The following SLC1A1 variants were observed in gnomAD, a reference collection of about 807,000 sequenced individuals.
SLC1A1 encodes solute carrier family 1 member 1, also known as excitatory amino acid transporter 3.
SLC1A1 carries 43 observed loss-of-function variants against 53.3 expected under a neutral mutation model. The observed-to-expected ratio is 0.81, with a 90% confidence interval of 0.63 to 1.04. The LOEUF (loss-of-function observed/expected upper bound fraction) is 1.04. Among genes scored for constraint, SLC1A1 ranks in the 50% least tolerant of loss-of-function variants. The pLI is 0.00. For missense variants in SLC1A1, 748 were observed against 664.9 expected (o/e 1.12, Z -1.37); for synonymous variants, 307 against 243.2 (o/e 1.26, Z -2.44).
chr9:4,524,736 G>A (rs1002488409), intron 1 of SLC1A1, among the ~76,000 whole-genome samples: 8 of 152,104 alleles, frequency 5.3e-5, no homozygotes, highest in Non-Finnish European at 1.2e-4. Context: ...TAAAATTATT[G>A]TTAAAATATG....
intron 2 of SLC1A1, among the ~76,000 whole-genome samples, chr9:4,546,863 A>C (rs1817536972): frequency 6.6e-6 from 1 of 152,222 alleles, no homozygotes; most frequent in South Asian, 2.1e-4. Flanking sequence ...TCCTTTCGAG[A>C]AAAATCTTCA....
At position 4,507,158 on chromosome 9, in the gene SLC1A1, C is replaced by T. The variant is rs548960678; in HGVS notation, c.91+16388C>T. ...TTGAGGCAGGAGAATGGCGTGAACC[C>T]GGGAGGTGGACCTTGCAAGTGAGCC... On this transcript the variant is annotated intron_variant, in intron 1 of 11. Coordinates refer to ENST00000262352, the MANE Select transcript of SLC1A1 (RefSeq NM_004170.6). Among the ~76,000 whole-genome samples, 32 of 152,070 alleles carry T rather than the reference C, an allele frequency of 2.1e-4. No individual in the cohort carries two copies. In the South Asian group the frequency reaches 3.1e-3, roughly 15 times the overall value.
chr9:4,573,827 TG>T, intron 7 of SLC1A1, 79 bp from the exon 8 acceptor site: 1 of 945,080 alleles, frequency 1.1e-6, no homozygotes, highest in Non-Finnish European at 1.8e-6. Context: ...GTGCCCACAC[TG>T]GAGTGTTCCT....
chr9:4,515,692 G>A (rs1460377222), intron 1 of SLC1A1, among the ~76,000 whole-genome samples: 2 of 152,198 alleles, frequency 1.3e-5, no homozygotes, highest in African/African-American at 4.8e-5. Flanking sequence ...CACTCCTAGA[G>A]TACTGCAGTC....
At chr9:4,502,873 G>C (rs1254299122) in intron 1 of SLC1A1, among the ~76,000 whole-genome samples, 8 of 151,510 alleles carry the variant, frequency 5.3e-5, no homozygotes, top group Admixed American at 5.3e-4. Flanking sequence ...CATCTTTATT[G>C]CGTGTGGTTA....
chr9:4,506,632 G>A (rs533584673), intron 1 of SLC1A1, among the ~76,000 whole-genome samples: 1 of 151,994 alleles, frequency 6.6e-6, no homozygotes, highest in African/African-American at 2.4e-5. Context: ...GTAATGCTTG[G>A]TTGCTTTTTT....
chr9:4,502,161 C>T (rs1289281814), intron 1 of SLC1A1, among the ~76,000 whole-genome samples: 2 of 151,490 alleles, frequency 1.3e-5, no homozygotes, highest in Non-Finnish European at 2.9e-5. Context: ...CCAAGGCATA[C>T]AGATGGCTTG....
chr9:4,542,905 A>T (rs1310420227), intron 1 of SLC1A1, among the ~76,000 whole-genome samples: 1 of 152,190 alleles, frequency 6.6e-6, no homozygotes, highest in African/African-American at 2.4e-5. Flanking sequence ...GGAAATGTTT[A>T]TATGTTTGTT....
chr9:4,509,673 C>T lies in SLC1A1; in HGVS notation c.91+18903C>T, dbSNP rs1820930285. ...GGCAAGGAACCCTGGATCAGCCCTC[C>T]CAGTGCACAGAGCAGGACAAAGAAA... is the stretch of plus-strand genomic sequence containing the variant. On this transcript the variant is annotated intron_variant, in intron 1 of 11. Transcript: ENST00000262352. Among the ~76,000 whole-genome samples the T allele has an allele frequency of 1.3e-5, 2 of 152,208 alleles. 1 individual carries two copies. The highest frequency in any genetic ancestry group is 4.2e-4 in the South Asian group (2 of 4,816).
chr9:4,580,685 T>C (rs756310717), intron 10 of SLC1A1, among the ~76,000 whole-genome samples: 2 of 137,522 alleles, frequency 1.5e-5, no homozygotes, highest in Non-Finnish European at 3.0e-5. Flanking sequence ...AATTGTAGGA[T>C]TTGGGGCCTA....
At chr9:4,502,533 T>C (rs1820672198) in intron 1 of SLC1A1, among the ~76,000 whole-genome samples, 1 of 151,044 alleles carries the variant, frequency 6.6e-6, no homozygotes, top group Non-Finnish European at 1.5e-5. Context: ...TTACCACGAG[T>C]TTTATGTACA....
intron 1 of SLC1A1, among the ~76,000 whole-genome samples, chr9:4,533,581 A>G (rs1040200824): frequency 6.6e-6 from 1 of 152,216 alleles, no homozygotes. Flanking sequence ...TTAGAGACCT[A>G]GAAAGAGACT....
At chr9:4,573,825 A>G in intron 7 of SLC1A1, 82 bp from the exon 8 acceptor site, 1 of 928,346 alleles carries the variant, frequency 1.1e-6, no homozygotes, top group East Asian at 2.4e-5. Context: ...GGGTGCCCAC[A>G]CTGGAGTGTT....
At chr9:4,545,664 A>G (rs541729998) in intron 2 of SLC1A1, among the ~76,000 whole-genome samples, 16 of 152,248 alleles carry the variant, frequency 1.1e-4, no homozygotes, top group Non-Finnish European at 1.9e-4. Flanking sequence ...TTCTGTGAGA[A>G]GGGTTTAAAT....
At chr9:4,565,639 G>GC (rs1441994607) in intron 4 of SLC1A1, among the ~76,000 whole-genome samples, 1 of 152,118 alleles carries the variant, frequency 6.6e-6, no homozygotes, top group Non-Finnish European at 1.5e-5. Flanking sequence ...CTCCCACAAG[G>GC]CCCCTCCCCT....
chr9:4,554,875 A>AT (rs1309493883), intron 2 of SLC1A1, among the ~76,000 whole-genome samples: 1 of 152,234 alleles, frequency 6.6e-6, no homozygotes, highest in Non-Finnish European at 1.5e-5. Flanking sequence ...AATACCTTCC[A>AT]TCTGCTCAGT....
chr9:4,532,106 A>T (rs1207104721), intron 1 of SLC1A1, among the ~76,000 whole-genome samples: 1 of 152,206 alleles, frequency 6.6e-6, no homozygotes, highest in Non-Finnish European at 1.5e-5. Flanking sequence ...AAGATGGGGA[A>T]AAAACAGAGC....
At chr9:4,506,131 A>G (rs1351595447) in intron 1 of SLC1A1, among the ~76,000 whole-genome samples, 1 of 151,534 alleles carries the variant, frequency 6.6e-6, no homozygotes, top group Admixed American at 6.6e-5. Flanking sequence ...TAATTTTTGT[A>G]CTTTTAGTAG....
chr9:4,576,465 TA>T, intron 9 of SLC1A1, 103 bp from the exon 10 acceptor site: 1 of 942,162 alleles, frequency 1.1e-6, no homozygotes, highest in Non-Finnish European at 1.7e-6. Context: ...CAAGATTACC[TA>T]AAAGGACCCT....
Sources: allele counts gnomAD v4.1 joint callset (sites outside exome capture counted in the v4.1 genomes callset), GRCh38; gene constraint gnomAD v4.1.1; transcripts MANE v1.5; gene names NCBI Gene and HGNC (gene_info 2026-07-23, HGNC 2026-07-21).